Variants in RILPL2 observed in about 807,000 individuals in gnomAD.
RILPL2 encodes Rab interacting lysosomal protein like 2.
In RILPL2, 19 loss-of-function variants were observed where a neutral mutation model predicts 22.2. The observed-to-expected ratio is 0.86, with a 90% CI of 0.60 to 1.25. The LOEUF is 1.25. Among genes scored for constraint, RILPL2 ranks in the 50% most tolerant of loss-of-function variants. The pLI, the probability that RILPL2 is intolerant of heterozygous loss-of-function variation, is 0.00. For missense variants in RILPL2, 243 were observed against 263.6 expected (o/e 0.92, Z 0.54); for synonymous variants, 123 against 111.6 (o/e 1.10, Z -0.64).
At chr12:123,435,885 T>G (rs1369730276) in intron 1 of RILPL2, among the ~76,000 whole-genome samples, 197 bp downstream of exon 1, 1 of 151,854 alleles carries the variant, frequency 6.6e-6, no homozygotes, top group Non-Finnish European at 1.5e-5. Flanking sequence ...CCCAGCACTC[T>G]AGGAGGCTGA....
intron 1 of RILPL2, among the ~76,000 whole-genome samples, chr12:123,434,044 C>G (rs1313291250): frequency 6.6e-6 from 1 of 152,168 alleles, no homozygotes; most frequent in Admixed American, 6.6e-5. Flanking sequence ...CGTCCACTTA[C>G]AGCAGCTTTT....
At chr12:123,434,706 G>C (rs996671731) in intron 1 of RILPL2, among the ~76,000 whole-genome samples, 1 of 151,920 alleles carries the variant, frequency 6.6e-6, no homozygotes, top group Non-Finnish European at 1.5e-5. Flanking sequence ...GATTACAGGC[G>C]TGAGTCACAG....
chr12:123,421,377 C>G (rs1879277853), intron 3 of RILPL2, among the ~76,000 whole-genome samples: 1 of 152,084 alleles, frequency 6.6e-6, no homozygotes, highest in East Asian at 1.9e-4. Context: ...TTATCTTTCC[C>G]TTTCCCCAGT....
At chr12:123,430,116 A>AG in intron 2 of RILPL2, among the ~76,000 whole-genome samples, 1 of 148,526 alleles carries the variant, frequency 6.7e-6, no homozygotes, top group Non-Finnish European at 1.5e-5. Context: ...AAAAAAAAAA[A>AG]AAAAAAAAAA....
Position 123,436,459 on chromosome 12 carries a change from T to C in RILPL2, c.-39A>G, listed in dbSNP as rs1879808831. ...CCCGCCGACCTCGGAGCTGCTGTCT[T>C]GGAGTCTCCCAAAGGTTAGACTTCC... On this transcript the variant is annotated 5_prime_UTR_variant, in exon 1 of 4. Transcript: ENST00000280571. The surrounding 1 kb of genome is among the most constrained non-coding windows in gnomAD (Gnocchi z 6.7). The C allele has an allele frequency of 6.5e-7, 1 of 1,533,230 alleles. No individual in the cohort carries two copies. Among genetic ancestry groups the C allele is most frequent in the African/African-American group, 1.4e-5 (1 of 72,960 alleles). 95.0% of individuals were successfully genotyped at this position (1,533,230 alleles called of 1,614,324 possible).
downstream of RILPL2, chr12:123,411,049 T>A (rs1346803495): frequency 6.7e-6 from 1 of 149,432 alleles, no homozygotes; most frequent in Non-Finnish European, 1.5e-5. Flanking sequence ...TTTATTTATT[T>A]TTTTTTTGAG....
At chr12:123,422,024 AT>A (rs1879298190) in intron 3 of RILPL2, among the ~76,000 whole-genome samples, 1 of 70,344 alleles carries the variant, frequency 1.4e-5, no homozygotes, top group South Asian at 6.0e-4. Flanking sequence ...TTTTTTTGAG[AT>A]AGGGTCACGC....
chr12:123,415,549 G>A lies in RILPL2; in HGVS notation c.*342C>T. On this transcript the variant is annotated 3_prime_UTR_variant, in exon 4 of 4. Coordinates refer to ENST00000280571, the MANE Select transcript of RILPL2 (RefSeq NM_145058.3). ...CTTCTGCTAACCATTGAAGACCAGG[G>A]TCATCCGTGGGAGCAGATGAGTAGG... 3.2e-6 allele frequency: 1 copy of A among 314,278 alleles called. No homozygotes were observed. Among genetic ancestry groups the A allele is most frequent in the Non-Finnish European group, 5.9e-6 (1 of 168,864 alleles). The allele number at this position is 314,278 out of a possible 1,614,324, so 19.5% of individuals were successfully genotyped here.
chr12:123,424,395 G>C (rs540072242), intron 2 of RILPL2, among the ~76,000 whole-genome samples: 4 of 149,006 alleles, frequency 2.7e-5, no homozygotes, highest in East Asian at 4.0e-4. Context: ...GCAGTGGCAC[G>C]ATCTCGGCTC....
intron 2 of RILPL2, 113 bp downstream of exon 2, chr12:123,430,395 C>A (rs572477079): frequency 1.4e-5 from 15 of 1,085,118 alleles, no homozygotes; most frequent in Non-Finnish European, 1.9e-5. Context: ...GGCGACAGAG[C>A]GAGACTCTGT....
chr12:123,420,415 A>C (rs1206043630), intron 3 of RILPL2, among the ~76,000 whole-genome samples: 1 of 151,434 alleles, frequency 6.6e-6, no homozygotes, highest in Admixed American at 6.6e-5. Context: ...TTGGGATTAC[A>C]GGCGTAAGCC....
rs1250336778 is a variant in RILPL2 at position 123,435,964 on chromosome 12, AAAAAAAG to A, written c.339+111_339+117del. The A allele has an allele frequency of 1.6e-4, 221 of 1,382,860 alleles. No homozygotes were observed. In the African/African-American group the frequency reaches 2.3e-3, roughly 14 times the overall value. The allele number at this position is 1,382,860 out of a possible 1,614,324, so 85.7% of individuals were successfully genotyped here. ...GCAACACAGCGAGATCCCATCTCTT[AAAAAAAG>A]AAAAAAGAGAAAAGAGAAGAGAAAA... On this transcript the variant is annotated intron_variant, in intron 1 of 3. Transcript: ENST00000280571.
At chr12:123,413,504 C>T (rs1203182514), downstream of RILPL2, 1 of 153,906 alleles carries the variant, frequency 6.5e-6, no homozygotes, top group East Asian at 1.9e-4. Context: ...TGGTGGGCTC[C>T]TGGTCTCCCT....
At chr12:123,420,425 C>T (rs1235662805) in intron 3 of RILPL2, among the ~76,000 whole-genome samples, 8 of 151,692 alleles carry the variant, frequency 5.3e-5, no homozygotes, top group Admixed American at 5.3e-4. Context: ...AGGCGTAAGC[C>T]ACTGTGCCCG....
At position 123,423,166 on chromosome 12, in the gene RILPL2, C is replaced by T. The variant is rs747952815; in HGVS notation, c.492-9G>A. On this transcript the variant is annotated splice_polypyrimidine_tract_variant and intron_variant, in intron 2 of 3. Transcript: ENST00000280571. ...TTGGTGGAATCAGGCCACTGGGAAA[C>T]GGGACAAAAAATAAATGGATTATTT... 3.5e-5 allele frequency: 53 copies of T among 1,501,664 alleles called. No homozygotes were observed. The highest frequency in any genetic ancestry group is 1.8e-4 in the South Asian group (15 of 85,240). The allele number at this position is 1,501,664 out of a possible 1,614,324, so 93.0% of individuals were successfully genotyped here. A position where few individuals can be genotyped will look rare whatever the true frequency, so the allele number is the denominator to read the frequency against.
intron 2 of RILPL2, among the ~76,000 whole-genome samples, chr12:123,427,839 C>G (rs1879486773): frequency 6.6e-6 from 1 of 152,200 alleles, no homozygotes; most frequent in Non-Finnish European, 1.5e-5. Context: ...GCCACCTCAA[C>G]CAGCTGTAAT....
chr12:123,420,904 G>T (rs548635936), intron 3 of RILPL2, among the ~76,000 whole-genome samples: 15 of 152,236 alleles, frequency 9.9e-5, no homozygotes, highest in Non-Finnish European at 1.8e-4. Context: ...CCACTGACCC[G>T]CTGTGTAACC....
At chr12:123,410,245 C>G (rs1878930854), downstream of RILPL2, among the ~76,000 whole-genome samples, 1 of 152,012 alleles carries the variant, frequency 6.6e-6, no homozygotes, top group Non-Finnish European at 1.5e-5. Context: ...ATTTACTAGA[C>G]TTGATGATTC....
chr12:123,415,699 G>A lies in RILPL2; in HGVS notation c.*192C>T. On this transcript the variant is annotated 3_prime_UTR_variant, in exon 4 of 4. Transcript: ENST00000280571. The stretch of plus-strand genomic sequence containing the variant: ...CACTGGCCCAGGCCAAATCTTCAAG[G>A]GTGTCTAGTTCTGCAGCCAGGGAGA... 1.4e-6 allele frequency: 1 copy of A among 698,026 alleles called. No individual in the cohort carries two copies. The highest frequency in any genetic ancestry group is 2.6e-6 in the Non-Finnish European group (1 of 386,816). 43.2% of individuals were successfully genotyped at this position (698,026 alleles called of 1,614,324 possible).
Sources: allele counts gnomAD v4.1 joint callset (sites outside exome capture counted in the v4.1 genomes callset), GRCh38; gene constraint gnomAD v4.1.1; non-coding constraint Gnocchi (gnomAD v3.1); transcripts MANE v1.5; gene names NCBI Gene and HGNC (gene_info 2026-07-23, HGNC 2026-07-21).